The following RALGAPA2 variants were observed in gnomAD, a reference collection of about 807,000 sequenced individuals.
The protein encoded by RALGAPA2 is Ral GTPase activating protein catalytic subunit alpha 2.
In RALGAPA2, 139 loss-of-function variants were observed where a neutral mutation model predicts 230.4. The ratio of observed to expected loss-of-function variants is 0.60; its 90% CI spans 0.53 to 0.69. The LOEUF is 0.69. RALGAPA2 is among the 30% of genes least tolerant of loss of function. The pLI is 0.00. For synonymous variants in RALGAPA2, 847 were observed against 837.8 expected (o/e 1.01, Z -0.19); for missense variants, 2,163 against 2,276.0 (o/e 0.95, Z 1.01).
At chr20:20,415,904 CATT>C (rs1442964718) in intron 37 of RALGAPA2, among the ~76,000 whole-genome samples, 1 of 152,120 alleles carries the variant, frequency 6.6e-6, no homozygotes, top group Non-Finnish European at 1.5e-5. Context: ...ACTTTACTCT[CATT>C]ATTGTTTGTT....
intron 37 of RALGAPA2, among the ~76,000 whole-genome samples, chr20:20,424,285 C>G (rs918205388): frequency 6.6e-6 from 1 of 152,158 alleles, no homozygotes; most frequent in Non-Finnish European, 1.5e-5. Context: ...CCCGTGACAC[C>G]GTCGCTCAAA....
rs771924231 is a variant in RALGAPA2 at position 20,571,611 on chromosome 20, C to T, written c.3003G>A (p.Ala1001=). ...CCTTATATTCATTTGGCAGTGTCGC[C>T]GCCTGTCAAGGAGATGATGTTTCCA... The part of the protein sequence containing the change: ...LRMFASWLFK[A]ATLPNEYKEG... The change falls in exon 23 of 40, where the codon GCG becomes GCA. Residue 1001 remains alanine (A), a splice_region_variant and synonymous_variant. Transcript: ENST00000202677. 2.3e-5 allele frequency: 37 copies of T among 1,608,236 alleles called. No individual in the cohort carries two copies. The highest frequency in any genetic ancestry group is 4.4e-5 in the South Asian group (4 of 89,936).
At chr20:20,452,364 T>C (rs972439041) in intron 37 of RALGAPA2, among the ~76,000 whole-genome samples, 5 of 152,222 alleles carry the variant, frequency 3.3e-5, no homozygotes, top group African/African-American at 9.6e-5. Context: ...TTTGAAAAAT[T>C]AGCAATGCTA....
At chr20:20,475,912 ATACT>A (rs1315552340) in intron 36 of RALGAPA2, among the ~76,000 whole-genome samples, 1 of 152,194 alleles carries the variant, frequency 6.6e-6, no homozygotes, top group Non-Finnish European at 1.5e-5. Flanking sequence ...AGAAAACAAT[ATACT>A]CCTCAAATCA....
chr20:20,446,162 T>C (rs1470678807), intron 37 of RALGAPA2, among the ~76,000 whole-genome samples: 1 of 152,306 alleles, frequency 6.6e-6, no homozygotes, highest in Non-Finnish European at 1.5e-5. Flanking sequence ...GATTGCTGAA[T>C]GAATGTATAT....
At chr20:20,482,148 A>G (rs1477668485) in intron 36 of RALGAPA2, among the ~76,000 whole-genome samples, 1 of 152,324 alleles carries the variant, frequency 6.6e-6, no homozygotes, top group Non-Finnish European at 1.5e-5. Context: ...TGAAAATTCT[A>G]AAGACTACAG....
chr20:20,505,135 ACTGT>A (rs2062494676), intron 34 of RALGAPA2: 1 of 985,310 alleles, frequency 1.0e-6, no homozygotes. Flanking sequence ...CTTACTACAA[ACTGT>A]CTATGTCTGG....
intron 3 of RALGAPA2, among the ~76,000 whole-genome samples, chr20:20,654,442 A>G (rs2067515426): frequency 1.3e-5 from 2 of 152,202 alleles, no homozygotes; most frequent in African/African-American, 4.8e-5. Context: ...CACCCACCTC[A>G]GCCTCCCAAA....
rs376262644 is a variant in RALGAPA2, at chr20:20,572,287, A to G, written c.2902-341T>C. On this transcript the variant is annotated intron_variant, in intron 21 of 39. Transcript: ENST00000202677. The stretch of plus-strand genomic sequence containing the variant: ...TGAAAAAAAAATTTAATACATGTGA[A>G]TGTCAGAACCCAAACAAAAATCAGA... Among the ~76,000 whole-genome samples the G allele has an allele frequency of 3.9e-5, 6 of 152,096 alleles. No individual in the cohort carries two copies. The East Asian group carries it at 5.8e-4, about 15-fold the overall frequency.
At chr20:20,564,072 C>T (rs903903498) in intron 23 of RALGAPA2, among the ~76,000 whole-genome samples, 35 of 152,178 alleles carry the variant, frequency 2.3e-4, no homozygotes, top group Non-Finnish European at 4.7e-4. Context: ...TCTTAAAATG[C>T]TCTTGTGGTC....
At chr20:20,696,052 C>G (rs1329877085) in intron 1 of RALGAPA2, among the ~76,000 whole-genome samples, 1 of 152,126 alleles carries the variant, frequency 6.6e-6, no homozygotes, top group Non-Finnish European at 1.5e-5. Context: ...TAACAGCAAG[C>G]CCGTCTCCAT....
intron 3 of RALGAPA2, among the ~76,000 whole-genome samples, chr20:20,670,365 A>C (rs2068093178): frequency 6.6e-6 from 1 of 152,146 alleles, no homozygotes; most frequent in Non-Finnish European, 1.5e-5. Context: ...TTAAATCCCT[A>C]CTCTCCCATT....
At chr20:20,644,344 G>T (rs1322704682) in intron 4 of RALGAPA2, among the ~76,000 whole-genome samples, 1 of 152,140 alleles carries the variant, frequency 6.6e-6, no homozygotes, top group African/African-American at 2.4e-5. Context: ...TGAAAAGTTT[G>T]TGATAGCTCT....
intron 23 of RALGAPA2, among the ~76,000 whole-genome samples, chr20:20,565,442 C>T (rs1397536930): frequency 1.3e-5 from 2 of 152,158 alleles, no homozygotes; most frequent in Non-Finnish European, 2.9e-5. Context: ...CACCCCTGCA[C>T]CTTGCTTTCA....
At chr20:20,405,346 A>T (rs1321924690) in intron 38 of RALGAPA2, among the ~76,000 whole-genome samples, 1 of 152,176 alleles carries the variant, frequency 6.6e-6, no homozygotes, top group Admixed American at 6.5e-5. Context: ...TAAGACTTCA[A>T]GCTTCACAAG....
intron 37 of RALGAPA2, among the ~76,000 whole-genome samples, chr20:20,458,320 TTTTA>T (rs1472852935): frequency 2.0e-5 from 3 of 151,080 alleles, no homozygotes; most frequent in African/African-American, 4.9e-5. Context: ...ATAAACAGAA[TTTTA>T]TTTGTTTCTA....
chr20:20,540,315 T>C (rs1015763688), intron 24 of RALGAPA2, among the ~76,000 whole-genome samples: 2 of 152,216 alleles, frequency 1.3e-5, no homozygotes, highest in Non-Finnish European at 2.9e-5. Flanking sequence ...CACACACTCA[T>C]GTGCAATATT....
chr20:20,531,484 C>T (rs2063364995), intron 27 of RALGAPA2, among the ~76,000 whole-genome samples: 1 of 152,244 alleles, frequency 6.6e-6, no homozygotes, highest in African/African-American at 2.4e-5. Flanking sequence ...TCCAGGAAGA[C>T]TCGAGACACT....
chr20:20,437,397 C>A lies in RALGAPA2; in HGVS notation c.5496-25249G>T, dbSNP rs1254224848. ...TTTCGTTCCTGGATTATGGCTGTGG[C>A]CTCCTACCTCTTCTGGCCTCTGTAC... On this transcript the variant is annotated intron_variant, in intron 37 of 39. Transcript: ENST00000202677. The surrounding 1 kb of genome is among the most constrained non-coding windows in gnomAD (Gnocchi z 4.1). Among the ~76,000 whole-genome samples, 1 of 152,194 alleles carries A rather than the reference C, an allele frequency of 6.6e-6. No individual in the cohort carries two copies. The highest frequency in any genetic ancestry group is 1.9e-4 in the East Asian group (1 of 5,178).
Sources: gnomAD v4.1 joint callset for allele counts (sites outside exome capture counted in the v4.1 genomes callset) on GRCh38, gnomAD v4.1.1 for gene constraint, Gnocchi (gnomAD v3.1) non-coding constraint, MANE v1.5 for transcripts, NCBI Gene and HGNC (gene_info 2026-07-23, HGNC 2026-07-21) for gene names.